Variants in MYO18A observed in about 807,000 individuals in gnomAD.
MYO18A encodes the protein unconventional myosin-XVIIIa.
In MYO18A, 78 loss-of-function variants were observed where a neutral mutation model predicts 235.8. The ratio of observed to expected loss-of-function variants is 0.33; its 90% CI spans 0.28 to 0.40. MYO18A has a LOEUF of 0.40. Ranked by LOEUF, MYO18A falls within the 10% of genes least tolerant of loss-of-function variation. The probability of loss-of-function intolerance (pLI) is 1.00; values close to 1 mark genes in which losing one functional copy is unlikely to be tolerated. For missense variants in MYO18A, 2,215 were observed against 2,699.3 expected, an observed-to-expected ratio of 0.82 and a Z score of 3.98; for synonymous variants, 977 against 1,077.8, an observed-to-expected ratio of 0.91 and a Z score of 1.83.
At chr17:29,090,406 A>G in intron 36 of MYO18A, 126 bp downstream of exon 36, 1 of 853,540 alleles carries the variant, frequency 1.2e-6, no homozygotes, top group Non-Finnish European at 1.8e-6. Context: ...CTTGCTCCTC[A>G]TTTACGCTGC....
rs374035399 is a variant in MYO18A, at chr17:29,120,706, G to A, written c.1638C>T (p.Pro546=). ...YTLLEAFGNS[P]TIINGNATRF... ...GGGTGGCATTGCCATTAATGATGGTGGGGCTGTTCCCAAAGGCTTCCAGGA... is the reference window on the plus strand; with the variant it reads ...GGGTGGCATTGCCATTAATGATGGTAGGGCTGTTCCCAAAGGCTTCCAGGA... Residue 546 remains proline (P), a synonymous_variant, in exon 7 of 42, where the codon CCC becomes CCT. Transcript: ENST00000527372. The surrounding 1 kb of genome is among the most constrained non-coding windows in gnomAD (Gnocchi z 4.2). 6.2e-7 allele frequency: 1 copy of A among 1,613,972 alleles called. No homozygotes were observed.
At chr17:29,097,416 A>G (rs1434289595) in intron 26 of MYO18A, 66 bp from the exon 27 acceptor site, 2 of 1,584,164 alleles carry the variant, frequency 1.3e-6, no homozygotes, top group African/African-American at 1.3e-5. Flanking sequence ...GCAGAGGGGA[A>G]GGAGGATGGG....
In MYO18A at chr17:29,096,815, A is replaced by G; in HGVS notation, c.4331T>C (p.Leu1444Pro). 1 of 1,604,126 alleles carries G rather than the reference A, an allele frequency of 6.2e-7. No homozygotes were observed. Among genetic ancestry groups the G allele is most frequent in the Non-Finnish European group, 8.5e-7 (1 of 1,175,702 alleles). Residue 1444 changes from leucine to proline, a missense_variant, in exon 28 of 42, where the codon CTG becomes CCG. By Grantham distance (98) the Leu-to-Pro change is moderately conservative. Coordinates refer to ENST00000527372, the MANE Select transcript of MYO18A (RefSeq NM_078471.4). ...RLTAELQDTK[L>P]HLEGQQVRNH... ...GCGGACCTGCTGGCCCTCCAGGTGC[A>G]GCTTGGTGTCTTGCAGCTCAGCCGT... is the stretch of plus-strand genomic sequence containing the variant.
At chr17:29,119,493 AC>A (rs2067147808) in intron 7 of MYO18A, 58 bp from the exon 8 acceptor site, 1 of 1,303,402 alleles carries the variant, frequency 7.7e-7, no homozygotes, top group Admixed American at 2.1e-5. Flanking sequence ...AGTTTCTCCC[AC>A]CCCACATAAG....
At chr17:29,135,851 G>A (rs977570119) in intron 2 of MYO18A, among the ~76,000 whole-genome samples, 2 of 152,246 alleles carry the variant, frequency 1.3e-5, no homozygotes, top group Non-Finnish European at 2.9e-5. Flanking sequence ...TAACCCAAAG[G>A]ATAAATGCTT....
intron 41 of MYO18A, chr17:29,079,924 G>A: frequency 2.0e-6 from 2 of 985,946 alleles, no homozygotes; most frequent in Non-Finnish European, 2.4e-6. Flanking sequence ...GGAGGACTCA[G>A]ACTCCGTCTC....
intron 2 of MYO18A, among the ~76,000 whole-genome samples, chr17:29,154,689 A>T (rs1426104807): frequency 1.3e-5 from 2 of 152,204 alleles, no homozygotes; most frequent in Non-Finnish European, 2.9e-5. Context: ...GAGAGGAGGC[A>T]GGGCTGTGCC....
chr17:29,084,615 A>G (rs2066205258), intron 40 of MYO18A, among the ~76,000 whole-genome samples: 1 of 152,094 alleles, frequency 6.6e-6, no homozygotes, highest in Non-Finnish European at 1.5e-5. Context: ...ACAAACGGAG[A>G]CAGAACGGCG....
At position 29,166,841 on chromosome 17, in the gene MYO18A, G is replaced by A. The variant is rs1358194049; in HGVS notation, c.100C>T (p.Arg34Trp). ...KKERMSAAELRSLEEMSLRRG... is the reference protein window; with the variant it reads ...KKERMSAAELWSLEEMSLRRG... ...CGCAGGCTCATCTCCTCCAGGCTCC[G>A]AAGCTCTGCCGCTGACATCCGCTCC... is the stretch of plus-strand genomic sequence containing the variant. Residue 34 changes from arginine to tryptophan, a missense_variant, in exon 2 of 42, where the codon CGG (arginine) becomes TGG (tryptophan). Arg to Trp is a moderately radical substitution (Grantham distance 101). Transcript: ENST00000527372. The A allele has an allele frequency of 1.9e-6, 3 of 1,581,474 alleles. No homozygotes were observed. The highest frequency in any genetic ancestry group is 1.3e-5 in the African/African-American group (1 of 74,158).
At chr17:29,082,486 GC>G in intron 40 of MYO18A, 48 bp from the exon 41 acceptor site, 2 of 1,585,120 alleles carry the variant, frequency 1.3e-6, no homozygotes, top group Non-Finnish European at 1.7e-6. Flanking sequence ...GGCACCTGCT[GC>G]CCACGAGGGG....
In MYO18A at chr17:29,086,926, G is replaced by A; in HGVS notation, c.5712+10C>T. 6 of 1,609,476 alleles carry A rather than the reference G, an allele frequency of 3.7e-6. No homozygotes were observed. Among genetic ancestry groups the A allele is most frequent in the Non-Finnish European group, 5.1e-6 (6 of 1,177,510 alleles). On this transcript the variant is annotated intron_variant, in intron 38 of 41. Coordinates refer to ENST00000527372, the MANE Select transcript of MYO18A (RefSeq NM_078471.4). The stretch of plus-strand genomic sequence containing the variant: ...GCCATGTGGGCCCCGTGGGGGACAG[G>A]GGGCATTACCAGTTCGTGCTTCTTG...
chr17:29,096,609 G>T (rs1316617014), intron 28 of MYO18A, among the ~76,000 whole-genome samples, 152 bp downstream of exon 28: 1 of 152,178 alleles, frequency 6.6e-6, no homozygotes. Flanking sequence ...TCAGGAGGGG[G>T]CCCCTTCACG....
At chr17:29,142,932 T>C (rs1233577078) in intron 2 of MYO18A, among the ~76,000 whole-genome samples, 3 of 152,244 alleles carry the variant, frequency 2.0e-5, no homozygotes, top group Non-Finnish European at 4.4e-5. Flanking sequence ...CTCAGGCTCC[T>C]GTGTAGCTGG....
intron 2 of MYO18A, among the ~76,000 whole-genome samples, chr17:29,144,631 A>C (rs985091028): frequency 2.0e-5 from 3 of 152,240 alleles, no homozygotes; most frequent in Admixed American, 6.5e-5. Flanking sequence ...TGTTATAAGA[A>C]TAGAAAAGGC....
At chr17:29,089,925 CCT>C (rs1412169738) in intron 37 of MYO18A, 34 bp downstream of exon 37, 2 of 1,613,266 alleles carry the variant, frequency 1.2e-6, no homozygotes, top group Admixed American at 3.3e-5. Context: ...GCAGCTCTGC[CCT>C]GTTTGGTGTG....
chr17:29,117,899 TGG>T lies in MYO18A; in HGVS notation c.2038+144_2038+145del. 1 of 970,170 alleles carries T rather than the reference TGG, an allele frequency of 1.0e-6. No individual in the cohort carries two copies. The allele number at this position is 970,170 out of a possible 1,614,324, so 60.1% of individuals were successfully genotyped here. On this transcript the variant is annotated intron_variant, in intron 10 of 41. Coordinates refer to ENST00000527372, the MANE Select transcript of MYO18A (RefSeq NM_078471.4). This position sits in a 1 kb window ranked among gnomAD's most constrained non-coding sequence, Gnocchi z 4.6. ...GCTTCCCGGGCCTTCTGCTCTGAAG[TGG>T]GGGGCTGAGAAGAGGCACAAGCAAA...
intron 2 of MYO18A, among the ~76,000 whole-genome samples, chr17:29,134,404 A>C (rs1169046938): frequency 6.6e-6 from 1 of 152,002 alleles, no homozygotes; most frequent in Non-Finnish European, 1.5e-5. Context: ...GCTTTGAATA[A>C]GCCACTTCGC....
At chr17:29,080,923 G>C in intron 41 of MYO18A, 1 of 985,470 alleles carries the variant, frequency 1.0e-6, no homozygotes, top group Non-Finnish European at 1.2e-6. Context: ...GTCCTTTAGG[G>C]TGAGCCGCTT....
chr17:29,143,197 A>G (rs999104060), intron 2 of MYO18A, among the ~76,000 whole-genome samples: 5 of 152,228 alleles, frequency 3.3e-5, no homozygotes, highest in Admixed American at 1.3e-4. Flanking sequence ...ATTAGTTCAT[A>G]CATAGCTCTG....
Sources: gnomAD v4.1 joint callset for allele counts (sites outside exome capture counted in the v4.1 genomes callset) on GRCh38, gnomAD v4.1.1 for gene constraint, Gnocchi (gnomAD v3.1) non-coding constraint, MANE v1.5 for transcripts, NCBI Gene and HGNC (gene_info 2026-07-23, HGNC 2026-07-21) for gene names.